Variants in TRIM56 observed in about 807,000 individuals in gnomAD.
The protein encoded by TRIM56 is E3 ubiquitin-protein ligase TRIM56.
Under a neutral mutation model 17.1 loss-of-function variants are expected in TRIM56, and 10 were observed. That is an observed-to-expected ratio of 0.58 (90% CI 0.36 to 0.99). TRIM56 has a LOEUF of 0.99. TRIM56 is among the 50% of genes least tolerant of loss of function. TRIM56 has a pLI of 0.01. For missense variants in TRIM56, 923 were observed against 1,052.3 expected (o/e 0.88, Z 1.70); for synonymous variants, 503 against 473.5 (o/e 1.06, Z -0.81).
At position 101,093,899 on chromosome 7, in the gene TRIM56, G is replaced by C. The variant is rs897194851; in HGVS notation, c.*4319G>C. 2.6e-5 allele frequency: 4 copies of C among 152,176 alleles called. No homozygotes were observed. Among genetic ancestry groups the C allele is most frequent in the Admixed American group, 1.3e-4 (2 of 15,276 alleles). The allele number at this position is 152,176 out of a possible 1,614,324, so 9.4% of individuals were successfully genotyped here. A position where few individuals can be genotyped will look rare whatever the true frequency, so the allele number is the denominator to read the frequency against. ...AAATAAATGTTAAATAAATGGGTGAGAAATCTTGCGGAGAAATAGACTCCT... is the reference window on the plus strand; with the variant it reads ...AAATAAATGTTAAATAAATGGGTGACAAATCTTGCGGAGAAATAGACTCCT... On this transcript the variant is annotated 3_prime_UTR_variant, in exon 3 of 3. Coordinates refer to ENST00000306085, the MANE Select transcript of TRIM56 (RefSeq NM_030961.3).
chr7:101,088,204 C>G lies in TRIM56; in HGVS notation c.892C>G (p.Arg298Gly), dbSNP rs780366201. The G allele has an allele frequency of 6.8e-7, 1 of 1,472,740 alleles. No homozygotes were observed. Among genetic ancestry groups the G allele is most frequent in the Non-Finnish European group, 9.0e-7 (1 of 1,116,314 alleles). The allele number at this position is 1,472,740 out of a possible 1,614,324, so 91.2% of individuals were successfully genotyped here. A position where few individuals can be genotyped will look rare whatever the true frequency, so the allele number is the denominator to read the frequency against. Residue 298 changes from arginine (R) to glycine (G), a missense_variant, in exon 3 of 3, where the codon CGG (arginine) becomes GGG (glycine). Coordinates refer to ENST00000306085, the MANE Select transcript of TRIM56 (RefSeq NM_030961.3). The part of the protein sequence containing the change: ...ARERLAELEG[R>G]EQVARAAAAF... ...GGAGAGGCTGGCGGAGCTTGAGGGC[C>G]GGGAGCAGGTGGCCAGGGCCGCAGC... is the stretch of plus-strand genomic sequence containing the variant.
In TRIM56 at chr7:101,089,362, G is replaced by A. The variant is rs199573128; in HGVS notation, c.2050G>A (p.Val684Met). The change falls in exon 3 of 3, where the codon GTG becomes ATG. Residue 684 changes from valine to methionine, a missense_variant. Coordinates refer to ENST00000306085, the MANE Select transcript of TRIM56 (RefSeq NM_030961.3). ...PGLHGCQPGS[V>M]SVDKKGYIFL... ...CCTGCATGGCTGCCAGCCGGGCTCCGTGTCTGTGGATAAGAAGGGCTACAT... is the reference window on the plus strand; with the variant it reads ...CCTGCATGGCTGCCAGCCGGGCTCCATGTCTGTGGATAAGAAGGGCTACAT... 19 of 1,610,862 alleles carry A rather than the reference G, an allele frequency of 1.2e-5. No homozygotes were observed. The highest frequency in any genetic ancestry group is 5.3e-5 in the African/African-American group (4 of 74,894).
intron 1 of TRIM56, among the ~76,000 whole-genome samples, chr7:101,085,967 A>G (rs1038227763): frequency 2.0e-5 from 3 of 152,220 alleles, no homozygotes; most frequent in Non-Finnish European, 4.4e-5. Context: ...CAAGTCTATC[A>G]GAGGGTGAGC....
chr7:101,097,058 G>A lies in TRIM56; in HGVS notation c.*7478G>A, dbSNP rs1325226035. The A allele has an allele frequency of 6.6e-6, 1 of 152,166 alleles. No homozygotes were observed. Among genetic ancestry groups the A allele is most frequent in the African/African-American group, 2.4e-5 (1 of 41,428 alleles). 9.4% of individuals were successfully genotyped at this position (152,166 alleles called of 1,614,324 possible). On this transcript the variant is annotated 3_prime_UTR_variant, in exon 3 of 3. Transcript: ENST00000306085. ...AGGGAGTAGCTCTCCTTCTATTTTA[G>A]CCTTATTATTACGGTATCTATAAAG...
rs1795602689 is a variant in TRIM56 at position 101,092,905 on chromosome 7, G to A, written c.*3325G>A. On this transcript the variant is annotated 3_prime_UTR_variant, in exon 3 of 3. Coordinates refer to ENST00000306085, the MANE Select transcript of TRIM56 (RefSeq NM_030961.3). ...TTTTGTGGAATAGAAAAGGGGGAAA[G>A]GTGGGGAAAAGATAGAGAAATCAGA... The A allele has an allele frequency of 5.5e-6, 1 of 181,454 alleles. No homozygotes were observed. Among genetic ancestry groups the A allele is most frequent in the South Asian group, 1.2e-4 (1 of 8,564 alleles). The allele number at this position is 181,454 out of a possible 1,614,324, so 11.2% of individuals were successfully genotyped here.
chr7:101,093,866 G>A lies in TRIM56; in HGVS notation c.*4286G>A, dbSNP rs1009911696. The A allele has an allele frequency of 1.3e-5, 2 of 152,154 alleles. No individual in the cohort carries two copies. Among genetic ancestry groups the A allele is most frequent in the Non-Finnish European group, 2.9e-5 (2 of 68,036 alleles). 9.4% of individuals were successfully genotyped at this position (152,154 alleles called of 1,614,324 possible). On this transcript the variant is annotated 3_prime_UTR_variant, in exon 3 of 3. Transcript: ENST00000306085. ...AAATAAATAATTAAATCCACTTGCA[G>A]TGGTCAAAAATAAATGTTAAATAAA...
rs775823952 is a variant in TRIM56 at position 101,088,010 on chromosome 7, C to T, written c.698C>T (p.Ala233Val). Residue 233 changes from alanine to valine, a missense_variant, in exon 3 of 3, where the codon GCG becomes GTG. Ala to Val is a moderately conservative substitution (Grantham distance 64). Coordinates refer to ENST00000306085, the MANE Select transcript of TRIM56 (RefSeq NM_030961.3). The part of the protein sequence containing the change: ...VDNNLVELEA[A>V]RRVEKEALAR... ...AATAACCTGGTGGAGCTGGAGGCAG[C>T]GCGGAGGGTGGAGAAGGAGGCGCTA... The T allele has an allele frequency of 6.4e-5, 101 of 1,576,180 alleles. No individual in the cohort carries two copies. The highest frequency in any genetic ancestry group is 1.1e-4 in the African/African-American group (8 of 74,656).
Position 101,090,071 on chromosome 7 carries a change from A to T in TRIM56, c.*491A>T, listed in dbSNP as rs1242517571. ...CCTACAGAGTCAGAGGAGGCCTGAG[A>T]TTTCGAATGGGCAGTGAATGGCCTC... On this transcript the variant is annotated 3_prime_UTR_variant, in exon 3 of 3. Coordinates refer to ENST00000306085, the MANE Select transcript of TRIM56 (RefSeq NM_030961.3). 1.2e-5 allele frequency: 2 copies of T among 167,740 alleles called. No individual in the cohort carries two copies. The highest frequency in any genetic ancestry group is 4.8e-5 in the African/African-American group (2 of 41,528). The allele number at this position is 167,740 out of a possible 1,614,324, so 10.4% of individuals were successfully genotyped here.
In TRIM56 at chr7:101,089,570, C is replaced by T. The variant is rs200079184; in HGVS notation, c.2258C>T (p.Pro753Leu). ...GTIHIFRVRS[P>L]DS is the part of the protein sequence containing the mutation. Reference sequence around the variant, plus strand: ...ATCCACATCTTTCGGGTCCGTTCTCCGGACAGTTAAAGGGGCTAGGACTAG... The same window carrying T: ...ATCCACATCTTTCGGGTCCGTTCTCTGGACAGTTAAAGGGGCTAGGACTAG... Residue 753 changes from proline to leucine, a missense_variant, in exon 3 of 3, where the codon CCG (proline) becomes CTG (leucine). Around this residue, in one of 3 missense-constraint regions of TRIM56, gnomAD observed 182 missense variants for 243.1 expected, o/e 0.75. Coordinates refer to ENST00000306085, the MANE Select transcript of TRIM56 (RefSeq NM_030961.3). 36 of 1,613,272 alleles carry T rather than the reference C, an allele frequency of 2.2e-5. No individual in the cohort carries two copies. The highest frequency in any genetic ancestry group is 1.2e-4 in the Admixed American group (7 of 59,940).
In TRIM56 at chr7:101,091,923, G is replaced by T. The variant is rs927597910; in HGVS notation, c.*2343G>T. The T allele has an allele frequency of 2.3e-5, 7 of 305,364 alleles. No homozygotes were observed. Among genetic ancestry groups the T allele is most frequent in the African/African-American group, 7.0e-5 (3 of 43,044 alleles). 18.9% of individuals were successfully genotyped at this position (305,364 alleles called of 1,614,324 possible). A position where few individuals can be genotyped will look rare whatever the true frequency, so the allele number is the denominator to read the frequency against. ...CTGCCTCAGCCTGCCGAGTGCCTGC[G>T]ATTGCAGGCGCGCGCCGCCACGCCT... On this transcript the variant is annotated 3_prime_UTR_variant, in exon 3 of 3. Transcript: ENST00000306085.
At position 101,087,587 on chromosome 7, in the gene TRIM56, G is replaced by A; in HGVS notation, c.275G>A (p.Gly92Glu). ...GACCTGGTGAAGGCCCGGGCCTGTG[G>A]AGACCTGCGTGCCGGGAAGCCAGCC... ...LLDLVKARAC[G>E]DLRAGKPACA... Residue 92 changes from glycine to glutamate, a missense_variant, in exon 3 of 3, where the codon GGA becomes GAA. Coordinates refer to ENST00000306085, the MANE Select transcript of TRIM56 (RefSeq NM_030961.3). The A allele has an allele frequency of 6.2e-7, 1 of 1,612,728 alleles. No homozygotes were observed. Among genetic ancestry groups the A allele is most frequent in the Non-Finnish European group, 8.5e-7 (1 of 1,179,622 alleles).
rs1187301092 is a variant in TRIM56, at chr7:101,091,762, GTCCCTC to G, written c.*2199_*2204del. The G allele has an allele frequency of 2.3e-5, 10 of 443,710 alleles. No individual in the cohort carries two copies. Among genetic ancestry groups the G allele is most frequent in the African/African-American group, 6.7e-5 (3 of 45,006 alleles). The allele number at this position is 443,710 out of a possible 1,614,324, so 27.5% of individuals were successfully genotyped here. ...GAAAAAGAAAAGAAAGAAAACCAAG[GTCCCTC>G]TCCCTCTCCCTCTCCCCACGGTCTC... On this transcript the variant is annotated 3_prime_UTR_variant, in exon 3 of 3. Transcript: ENST00000306085.
rs755081970 is a variant in TRIM56, at chr7:101,088,328, C to T, written c.1016C>T (p.Pro339Leu). The T allele has an allele frequency of 2.0e-6, 3 of 1,529,810 alleles. No homozygotes were observed. The East Asian group carries it at 6.8e-5, about 35-fold the overall frequency. 94.8% of individuals were successfully genotyped at this position (1,529,810 alleles called of 1,614,324 possible). A position where few individuals can be genotyped will look rare whatever the true frequency, so the allele number is the denominator to read the frequency against. Reference protein sequence around the residue: ...AQRLRQLQGCPWAPGPAPCLL... With the variant: ...AQRLRQLQGCLWAPGPAPCLL... The stretch of plus-strand genomic sequence containing the variant: ...CGGCTCAGGCAGCTGCAGGGCTGCC[C>T]CTGGGCACCAGGCCCGGCCCCCTGC... The change falls in exon 3 of 3, where the codon CCC (proline) becomes CTC (leucine). Residue 339 changes from proline to leucine, a missense_variant. This residue lies in a region of TRIM56 where 643 missense variants were observed against 665.6 expected (regional missense o/e 0.97). Transcript: ENST00000306085.
In TRIM56 at chr7:101,093,215, G is replaced by A. The variant is rs1419979349; in HGVS notation, c.*3635G>A. The A allele has an allele frequency of 1.7e-5, 3 of 173,416 alleles. No individual in the cohort carries two copies. Among genetic ancestry groups the A allele is most frequent in the Admixed American group, 6.4e-5 (1 of 15,556 alleles). 10.7% of individuals were successfully genotyped at this position (173,416 alleles called of 1,614,324 possible). A position where few individuals can be genotyped will look rare whatever the true frequency, so the allele number is the denominator to read the frequency against. ...AAACACTGCGGAAGGCCGCAGGGTC[G>A]TCTGCCTAGGAAAACCAGAGACCTT... On this transcript the variant is annotated 3_prime_UTR_variant, in exon 3 of 3. Coordinates refer to ENST00000306085, the MANE Select transcript of TRIM56 (RefSeq NM_030961.3).
Position 101,087,773 on chromosome 7 carries a change from C to G in TRIM56, c.461C>G (p.Ala154Gly). The change falls in exon 3 of 3, where the codon GCC becomes GGC. Residue 154 changes from alanine (A) to glycine (G), a missense_variant. By Grantham distance (60) the Ala-to-Gly change is moderately conservative (BLOSUM62 0). Coordinates refer to ENST00000306085, the MANE Select transcript of TRIM56 (RefSeq NM_030961.3). Reference protein sequence around the residue: ...HRVVDLVGYRAGWYDEEARER... With the variant: ...HRVVDLVGYRGGWYDEEARER... ...GTGGTGGACCTGGTGGGCTACAGGG[C>G]CGGGTGGTATGATGAGGAGGCCCGG... 1 of 1,606,616 alleles carries G rather than the reference C, an allele frequency of 6.2e-7. No individual in the cohort carries two copies. The highest frequency in any genetic ancestry group is 8.5e-7 in the Non-Finnish European group (1 of 1,178,150).
Position 101,092,232 on chromosome 7 carries a change from T to A in TRIM56, c.*2652T>A, listed in dbSNP as rs986564025. ...CACCCCCTCTGGGAAGTGCGGAGTGTCTCTGCCTGGCCGCCCATTGTCTGG... is the reference window on the plus strand; with the variant it reads ...CACCCCCTCTGGGAAGTGCGGAGTGACTCTGCCTGGCCGCCCATTGTCTGG... On this transcript the variant is annotated 3_prime_UTR_variant, in exon 3 of 3. Coordinates refer to ENST00000306085, the MANE Select transcript of TRIM56 (RefSeq NM_030961.3). 1.2e-4 allele frequency: 21 copies of A among 179,356 alleles called. No individual in the cohort carries two copies. Among genetic ancestry groups the A allele is most frequent in the Non-Finnish European group, 2.5e-4 (21 of 85,034 alleles). 11.1% of individuals were successfully genotyped at this position (179,356 alleles called of 1,614,324 possible).
rs1383567874 is a variant in TRIM56, at chr7:101,088,809, G to T, written c.1497G>T (p.Thr499=). 1 of 1,613,610 alleles carries T rather than the reference G, an allele frequency of 6.2e-7. No individual in the cohort carries two copies. The highest frequency in any genetic ancestry group is 1.3e-5 in the African/African-American group (1 of 74,930). The change falls in exon 3 of 3, where the codon ACG becomes ACT. Residue 499 remains threonine, a synonymous_variant. Transcript: ENST00000306085. The stretch of plus-strand genomic sequence containing the variant: ...CCATCTTTTACTGCAGTTTCCCCAC[G>T]CGGATGCCTGGAGACAAGCGGTCCC... ...PRPIFYCSFP[T]RMPGDKRSPR...
rs1795556894 is a variant in TRIM56, at chr7:101,091,091, G to T, written c.*1511G>T. 6.6e-6 allele frequency: 1 copy of T among 152,208 alleles called. No individual in the cohort carries two copies. The highest frequency in any genetic ancestry group is 1.5e-5 in the Non-Finnish European group (1 of 68,082). The allele number at this position is 152,208 out of a possible 1,614,324, so 9.4% of individuals were successfully genotyped here. On this transcript the variant is annotated 3_prime_UTR_variant, in exon 3 of 3. Coordinates refer to ENST00000306085, the MANE Select transcript of TRIM56 (RefSeq NM_030961.3). The stretch of plus-strand genomic sequence containing the variant: ...ACCAGAAGGGAGGAACCCGTCGGAG[G>T]TGGGCTGTGACCACCGGACCTTTTC...
In TRIM56 at chr7:101,091,455, G is replaced by C. The variant is rs948638029; in HGVS notation, c.*1875G>C. 2 of 199,290 alleles carry C rather than the reference G, an allele frequency of 1.0e-5. No homozygotes were observed. The highest frequency in any genetic ancestry group is 3.4e-4 in the East Asian group (2 of 5,846). The allele number at this position is 199,290 out of a possible 1,614,324, so 12.3% of individuals were successfully genotyped here. A position where few individuals can be genotyped will look rare whatever the true frequency, so the allele number is the denominator to read the frequency against. On this transcript the variant is annotated 3_prime_UTR_variant, in exon 3 of 3. Coordinates refer to ENST00000306085, the MANE Select transcript of TRIM56 (RefSeq NM_030961.3). ...TATAAGAAAACCAAGCGCCAGGCAC[G>C]GTGACTCAAGCCTGTAATCCCAGCA...
Sources: allele counts gnomAD v4.1 joint callset (sites outside exome capture counted in the v4.1 genomes callset), GRCh38; gene constraint gnomAD v4.1.1; regional missense constraint gnomAD v4.1.1; transcripts MANE v1.5; gene names NCBI Gene and HGNC (gene_info 2026-07-23, HGNC 2026-07-21).